CDCP1: variants seen among roughly 807,000 people sequenced by gnomAD.
The protein encoded by CDCP1 is CUB domain-containing protein 1.
Under a neutral mutation model 60.2 loss-of-function variants are expected in CDCP1, and 29 were observed. The ratio of observed to expected loss-of-function variants is 0.48; its 90% CI spans 0.36 to 0.66. The LOEUF is 0.66. Among genes scored for constraint, CDCP1 ranks in the 30% least tolerant of loss-of-function variants. CDCP1 has a pLI of 0.00. For synonymous variants in CDCP1, 387 were observed against 431.1 expected (o/e 0.90, Z 1.27); for missense variants, 876 against 1,074.3 (o/e 0.82, Z 2.58).
intron 1 of CDCP1, among the ~76,000 whole-genome samples, chr3:45,143,583 GT>G (rs1264040851): frequency 1.3e-5 from 2 of 152,202 alleles, no homozygotes; most frequent in African/African-American, 4.8e-5. Context: ...GAATAAGGCA[GT>G]TTGCTTATAG....
At chr3:45,107,187 GTGT>G (rs769026224) in intron 4 of CDCP1, among the ~76,000 whole-genome samples, 20 of 152,026 alleles carry the variant, frequency 1.3e-4, no homozygotes, top group Non-Finnish European at 2.6e-4. Context: ...GTTTGAACAA[GTGT>G]TGTGTCTTTC....
intron 4 of CDCP1, among the ~76,000 whole-genome samples, chr3:45,103,913 T>C (rs2125994265): frequency 6.6e-6 from 1 of 152,352 alleles, no homozygotes; most frequent in East Asian, 1.9e-4. Context: ...TATTCTGTTA[T>C]GGCAACACTA....
intron 1 of CDCP1, among the ~76,000 whole-genome samples, chr3:45,139,975 G>A (rs775856838): frequency 2.0e-4 from 31 of 152,154 alleles, no homozygotes; most frequent in Non-Finnish European, 3.7e-4. Context: ...CTGTTCTCGG[G>A]GTTAAACATT....
chr3:45,122,996 C>T (rs913906270), intron 1 of CDCP1, among the ~76,000 whole-genome samples: 7 of 111,664 alleles, frequency 6.3e-5, no homozygotes, highest in Admixed American at 2.9e-4. Flanking sequence ...TATGCTGAGA[C>T]GTAGGGATTT....
At chr3:45,140,979 T>G (rs538119688) in intron 1 of CDCP1, among the ~76,000 whole-genome samples, 4 of 152,286 alleles carry the variant, frequency 2.6e-5, no homozygotes, top group African/African-American at 9.6e-5. Flanking sequence ...GGTGGGTGGA[T>G]TGCTTGAGGC....
At chr3:45,105,674 GT>G (rs1431430939) in intron 4 of CDCP1, among the ~76,000 whole-genome samples, 1 of 152,190 alleles carries the variant, frequency 6.6e-6, no homozygotes, top group African/African-American at 2.4e-5. Flanking sequence ...TTATAGATGG[GT>G]AGATATATAG....
rs115071971 is a variant in CDCP1 at position 45,135,016 on chromosome 3, G to A, written c.82+11190C>T. On this transcript the variant is annotated intron_variant, in intron 1 of 8. Coordinates refer to ENST00000296129, the MANE Select transcript of CDCP1 (RefSeq NM_022842.5). ...ATTCACAAGGGTGACTGCAGTAAAA[G>A]GTATGGATGTGGAAGGTGTTAAGTC... is the stretch of plus-strand genomic sequence containing the variant. Among the ~76,000 whole-genome samples the A allele has an allele frequency of 6.3e-3, 952 of 152,314 alleles. 7 individuals are homozygous for A. Among genetic ancestry groups the A allele is most frequent in the African/African-American group, 0.021 (881 of 41,560 alleles).
At chr3:45,142,340 G>T (rs1040231437) in intron 1 of CDCP1, among the ~76,000 whole-genome samples, 50 of 152,258 alleles carry the variant, frequency 3.3e-4, no homozygotes, top group Non-Finnish European at 6.8e-4. Flanking sequence ...CGCAGGTGAG[G>T]CTTGTGTTAT....
At chr3:45,112,565 C>T in intron 2 of CDCP1, 120 bp from the exon 3 acceptor site, 5 of 1,415,308 alleles carry the variant, frequency 3.5e-6, no homozygotes, top group Middle Eastern at 5.1e-4. Context: ...GTGGCCTTTA[C>T]CAGGCAGGGG....
intron 4 of CDCP1, among the ~76,000 whole-genome samples, chr3:45,108,270 G>T (rs1445355387): frequency 1.3e-5 from 2 of 152,136 alleles, no homozygotes; most frequent in African/African-American, 4.8e-5. Context: ...TTCTCAGGCA[G>T]TCCAGCCCAA....
chr3:45,122,167 G>A (rs780262757), intron 1 of CDCP1, among the ~76,000 whole-genome samples: 4 of 144,100 alleles, frequency 2.8e-5, no homozygotes, highest in South Asian at 2.2e-4. Flanking sequence ...TTTTTGAGAC[G>A]GAATCTCACT....
Position 45,112,186 on chromosome 3 carries a change from G to C in CDCP1, c.552C>G (p.Ser184=). The part of the protein sequence containing the change: ...IGTFCSNGTV[S]RIKMQEGVKM... ...TCACTCCTTCTTGCATCTTGATCCG[G>C]GACACAGTGCCATTGCTGCAGAAGG... The change falls in exon 3 of 9, where the codon TCC becomes TCG. Residue 184 remains serine, a synonymous_variant. Coordinates refer to ENST00000296129, the MANE Select transcript of CDCP1 (RefSeq NM_022842.5). 1 of 1,614,118 alleles carries C rather than the reference G, an allele frequency of 6.2e-7. No individual in the cohort carries two copies. Among genetic ancestry groups the C allele is most frequent in the South Asian group, 1.1e-5 (1 of 91,090 alleles).
chr3:45,113,991 C>CA (rs984160483), intron 2 of CDCP1, among the ~76,000 whole-genome samples: 1 of 152,204 alleles, frequency 6.6e-6, no homozygotes, highest in Non-Finnish European at 1.5e-5. Flanking sequence ...CTTGTGGAAA[C>CA]ATTTAACTCT....
chr3:45,126,108 C>CTCTTTCTTTCTT (rs72581928), intron 1 of CDCP1, among the ~76,000 whole-genome samples: 2,133 of 109,838 alleles, frequency 0.019, 33 homozygotes, highest in African/African-American at 0.023. Context: ...TTGTCTCTCT[C>CTCTTTCTTTCTT]TCTTTCTTTC....
intron 1 of CDCP1, among the ~76,000 whole-genome samples, chr3:45,126,043 A>G (rs995669819): frequency 6.6e-6 from 1 of 152,182 alleles, no homozygotes; most frequent in African/African-American, 2.4e-5. Context: ...CCCTCATAGA[A>G]GCTGCCAAGG....
Position 45,116,694 on chromosome 3 carries a change from C to T in CDCP1, c.292+1718G>A, listed in dbSNP as rs142373969. Among the ~76,000 whole-genome samples, 236 of 152,322 alleles carry T rather than the reference C, an allele frequency of 1.5e-3. No individual in the cohort carries two copies. The East Asian group carries it at 0.034, about 22-fold the overall frequency. On this transcript the variant is annotated intron_variant, in intron 2 of 8. Transcript: ENST00000296129. ...TGAATGTCATAGAAATTATCTGCTC[C>T]TTGAAGTTTTATAGAACTCACTTGT...
upstream of CDCP1, chr3:45,146,407 G>A: frequency 3.8e-6 from 3 of 782,758 alleles, no homozygotes; most frequent in East Asian, 3.4e-5. Context: ...CGGGCGGACC[G>A]GCCCGAGCCC....
At chr3:45,115,828 C>T (rs6777243) in intron 2 of CDCP1, among the ~76,000 whole-genome samples, 2,657 of 152,114 alleles carry the variant, frequency 0.017, 94 homozygotes, top group African/African-American at 0.061. Context: ...CTCAGCCTCC[C>T]GAGTAGCTGG....
intron 4 of CDCP1, among the ~76,000 whole-genome samples, chr3:45,098,438 A>C (rs981975553): frequency 6.6e-6 from 1 of 152,158 alleles, no homozygotes; most frequent in African/African-American, 2.4e-5. Flanking sequence ...ACCCCAGGGG[A>C]GGAGCCTGGG....
Sources: allele counts gnomAD v4.1 joint callset (sites outside exome capture counted in the v4.1 genomes callset), GRCh38; gene constraint gnomAD v4.1.1; transcripts MANE v1.5; gene names NCBI Gene and HGNC (gene_info 2026-07-23, HGNC 2026-07-21).